Variants in ANO10 observed in about 807,000 individuals in gnomAD.
The protein encoded by ANO10 is anoctamin 10, also known as anoctamin-10.
Under a neutral mutation model 74.7 loss-of-function variants are expected in ANO10, and 77 were observed. The observed-to-expected ratio is 1.03, with a 90% CI of 0.86 to 1.25. The LOEUF is 1.25. Among genes scored for constraint, ANO10 ranks in the 50% most tolerant of loss-of-function variants. The probability of loss-of-function intolerance (pLI) is 0.00; values close to 1 mark genes in which losing one functional copy is unlikely to be tolerated. For synonymous variants in ANO10, 279 were observed against 284.9 expected (o/e 0.98, Z 0.21); for missense variants, 721 against 778.1 (o/e 0.93, Z 0.87).
intron 10 of ANO10, among the ~76,000 whole-genome samples, chr3:43,552,710 ATATATATATATATATATATGTATG>A (rs2079529890): frequency 7.7e-6 from 1 of 130,564 alleles, no homozygotes; most frequent in African/African-American, 3.3e-5. Context: ...ATATATATAT[ATATATATATATATATATATGTATG>A]TATGTATGTA....
intron 7 of ANO10, among the ~76,000 whole-genome samples, chr3:43,566,124 C>T (rs2080320396): frequency 6.6e-6 from 1 of 152,138 alleles, no homozygotes; most frequent in Non-Finnish European, 1.5e-5. Flanking sequence ...TGCGCTTTTC[C>T]GACGGGCTTA....
chr3:43,688,713 G>T (rs1039450951), intron 1 of ANO10, among the ~76,000 whole-genome samples: 1 of 151,932 alleles, frequency 6.6e-6, no homozygotes, highest in African/African-American at 2.4e-5. Context: ...GCGTGGTGGC[G>T]GGTGCCTGGA....
chr3:43,439,864 AGAGT>A (rs2093133704), intron 11 of ANO10, among the ~76,000 whole-genome samples: 1 of 152,170 alleles, frequency 6.6e-6, no homozygotes. Flanking sequence ...CCTGAGTGAC[AGAGT>A]GAGACCCTGT....
chr3:43,485,929 C>G, intron 11 of ANO10: 1 of 239,200 alleles, frequency 4.2e-6, no homozygotes, highest in South Asian at 4.3e-5. Context: ...CAGTTTATGT[C>G]TTTACAGTTA....
Position 43,655,520 on chromosome 3 carries a change from GC to G in ANO10, c.-12+35996del, listed in dbSNP as rs375865898. Among the ~76,000 whole-genome samples, 59 of 152,338 alleles carry G rather than the reference GC, an allele frequency of 3.9e-4. No homozygotes were observed. The East Asian group carries it at 0.011, about 29-fold the overall frequency. Reference sequence around the variant, plus strand: ...CGGGTTGCCACTGCTGGCTGGGGCAGCCTGCTTTTATTCTCTTATGTGGCCC... The same window carrying G: ...CGGGTTGCCACTGCTGGCTGGGGCAGCTGCTTTTATTCTCTTATGTGGCCC... On this transcript the variant is annotated intron_variant, in intron 1 of 3. Coordinates refer to the ANO10 transcript ENST00000413397.
rs1236258312 is a variant in ANO10 at position 43,577,135 on chromosome 3, T to C, written c.719A>G (p.Tyr240Cys). The change falls in exon 6 of 13, where the codon TAT (tyrosine) becomes TGT (cysteine). Residue 240 changes from tyrosine (Y) to cysteine (C), a missense_variant. Tyr to Cys is a radical substitution (Grantham distance 194). Transcript: ENST00000292246. ...LPYYLFVWED[Y>C]DKYVIFASFN... ...CGAGGCAAAGATCACGTACTTGTCA[T>C]AGTCTTCCCACACAAACAAGTAGTA... 8.1e-6 allele frequency: 13 copies of C among 1,614,052 alleles called. No homozygotes were observed. The highest frequency in any genetic ancestry group is 4.2e-6 in the Non-Finnish European group (5 of 1,180,026).
intron 12 of ANO10, among the ~76,000 whole-genome samples, chr3:43,419,526 ATTTT>A (rs1435177940): frequency 7.1e-6 from 1 of 141,412 alleles, no homozygotes; most frequent in Non-Finnish European, 1.5e-5. Flanking sequence ...TATTTGTTGC[ATTTT>A]TTTTTTTTTT....
intron 12 of ANO10, among the ~76,000 whole-genome samples, chr3:43,424,002 T>C (rs2092860241): frequency 6.6e-6 from 1 of 152,114 alleles, no homozygotes; most frequent in African/African-American, 2.4e-5. Flanking sequence ...CCTTGCTGGG[T>C]TCACCCAGCG....
intron 11 of ANO10, among the ~76,000 whole-genome samples, chr3:43,468,009 T>G (rs1228273887): frequency 6.6e-6 from 1 of 152,224 alleles, no homozygotes; most frequent in Non-Finnish European, 1.5e-5. Context: ...GCATAAGTAC[T>G]CTTTTGTGGT....
intron 4 of ANO10, among the ~76,000 whole-genome samples, chr3:43,593,002 G>C (rs192976693): frequency 2.6e-5 from 4 of 152,304 alleles, no homozygotes; most frequent in Admixed American, 1.3e-4. Flanking sequence ...CTGGAAGAAA[G>C]GGTATCAGTG....
intron 1 of ANO10, among the ~76,000 whole-genome samples, chr3:43,656,827 G>A (rs1186689384): frequency 6.6e-6 from 1 of 152,238 alleles, no homozygotes; most frequent in African/African-American, 2.4e-5. Context: ...CTCCCTGCAA[G>A]CTAAGGGAGT....
At chr3:43,441,728 C>T (rs1010932539) in intron 11 of ANO10, among the ~76,000 whole-genome samples, 10 of 151,980 alleles carry the variant, frequency 6.6e-5, no homozygotes, top group African/African-American at 2.4e-4. Flanking sequence ...GTCCAATATC[C>T]CTAATCAATA....
rs58661586 is a variant in ANO10 at position 43,670,282 on chromosome 3, C to T, written c.-12+21235G>A. On this transcript the variant is annotated intron_variant, in intron 1 of 3. Transcript: ENST00000413397. ...GAGGCTGAGGTGGGAGGATTGCTTG[C>T]GCCTGGGAGGATGAGGCTGGGTGAC... Among the ~76,000 whole-genome samples, 932 of 151,524 alleles carry T rather than the reference C, an allele frequency of 6.2e-3. 10 individuals carry two copies. The highest frequency in any genetic ancestry group is 0.02 in the African/African-American group (840 of 41,312).
At chr3:43,631,945 C>T (rs551811728) in intron 1 of ANO10, among the ~76,000 whole-genome samples, 11 of 151,532 alleles carry the variant, frequency 7.3e-5, no homozygotes, top group Non-Finnish European at 1.2e-4. Flanking sequence ...TGGTGGTGGG[C>T]GCCTATAATC....
chr3:43,554,613 T>C (rs2079646811), intron 10 of ANO10, among the ~76,000 whole-genome samples: 1 of 152,170 alleles, frequency 6.6e-6, no homozygotes, highest in Non-Finnish European at 1.5e-5. Flanking sequence ...GAAGAGGGGA[T>C]AACGCCTTAT....
rs371985258 is a variant in ANO10 at position 43,469,038 on chromosome 3, CTTTTTTTTTTT to C, written c.1798-36322_1798-36312del. Reference sequence around the variant, plus strand: ...TTTTCAATCCTACATCAATTAGCTGCTTTTTTTTTTTTTTTTTTTTTTGAGATGGAGTCTTG... The same window carrying C: ...TTTTCAATCCTACATCAATTAGCTGCTTTTTTTTTTTGAGATGGAGTCTTG... On this transcript the variant is annotated intron_variant, in intron 11 of 12. Coordinates refer to ENST00000292246, the MANE Select transcript of ANO10 (RefSeq NM_018075.5). Among the ~76,000 whole-genome samples the C allele has an allele frequency of 6.1e-4, 43 of 70,338 alleles. 1 individual carries two copies. The highest frequency in any genetic ancestry group is 4.8e-3 in the Admixed American group (20 of 4,194). The allele number at this position is 70,338 out of a possible 152,430, so 46.1% of individuals were successfully genotyped here. A position where few individuals can be genotyped will look rare whatever the true frequency, so the allele number is the denominator to read the frequency against.
chr3:43,672,045 T>A (rs2084065332), intron 1 of ANO10, among the ~76,000 whole-genome samples: 1 of 152,218 alleles, frequency 6.6e-6, no homozygotes, highest in African/African-American at 2.4e-5. Context: ...CTCAAATATA[T>A]CTGTTATGCT....
chr3:43,645,211 C>T (rs116086673), intron 1 of ANO10, among the ~76,000 whole-genome samples: 1,998 of 152,250 alleles, frequency 0.013, 42 homozygotes, highest in Non-Finnish European at 0.016. Context: ...AGAAAGCAAA[C>T]GCATCTCAAA....
At chr3:43,416,501 A>T (rs1270802033) in intron 12 of ANO10, among the ~76,000 whole-genome samples, 1 of 152,222 alleles carries the variant, frequency 6.6e-6, no homozygotes, top group Non-Finnish European at 1.5e-5. Flanking sequence ...TATTAATAGG[A>T]AAATACAACA....
Sources: gnomAD v4.1 joint callset for allele counts (sites outside exome capture counted in the v4.1 genomes callset) on GRCh38, gnomAD v4.1.1 for gene constraint, MANE v1.5 for transcripts, NCBI Gene and HGNC (gene_info 2026-07-23, HGNC 2026-07-21) for gene names.